The following NRDC variants were observed in gnomAD, a reference collection of about 807,000 sequenced individuals.
NRDC encodes nardilysin convertase.
Under a neutral mutation model 147.1 loss-of-function variants are expected in NRDC, and 54 were observed. The ratio of observed to expected loss-of-function variants is 0.37; its 90% CI spans 0.29 to 0.46. NRDC has a LOEUF of 0.46. Ranked by LOEUF, NRDC falls within the 20% of genes least tolerant of loss-of-function variation. The probability of loss-of-function intolerance (pLI) is 1.00; values close to 1 mark genes in which losing one functional copy is unlikely to be tolerated. For synonymous variants in NRDC, 440 were observed against 482.1 expected (o/e 0.91, Z 1.14); for missense variants, 1,082 against 1,370.6 (o/e 0.79, Z 3.33).
At chr1:51,855,347 T>C (rs921317153) in intron 1 of NRDC, among the ~76,000 whole-genome samples, 1 of 152,172 alleles carries the variant, frequency 6.6e-6, no homozygotes, top group Non-Finnish European at 1.5e-5. Context: ...TATGTCCTTA[T>C]TGTGCCAGGC....
chr1:51,852,089 T>G (rs1681978980), intron 1 of NRDC, among the ~76,000 whole-genome samples: 1 of 152,142 alleles, frequency 6.6e-6, no homozygotes, highest in Non-Finnish European at 1.5e-5. Context: ...AAACTGAGGC[T>G]CTAGAGAATA....
At chr1:51,877,511 GCACACACA>G (rs369942145) in intron 1 of NRDC, among the ~76,000 whole-genome samples, 2 of 151,284 alleles carry the variant, frequency 1.3e-5, no homozygotes, top group African/African-American at 4.9e-5. Context: ...AAACACACAC[GCACACACA>G]CACACGCAAG....
At chr1:51,873,730 T>G (rs1683194640) in intron 1 of NRDC, among the ~76,000 whole-genome samples, 1 of 151,388 alleles carries the variant, frequency 6.6e-6, no homozygotes, top group Non-Finnish European at 1.5e-5. Context: ...AGGCTGGTCT[T>G]GAACTCCTGA....
intron 1 of NRDC, among the ~76,000 whole-genome samples, chr1:51,856,427 G>C (rs1682244887): frequency 6.6e-6 from 1 of 152,134 alleles, no homozygotes; most frequent in African/African-American, 2.4e-5. Context: ...CAGACCTCTG[G>C]AACTTCTGAC....
chr1:51,866,489 A>C (rs1682815559), intron 1 of NRDC, among the ~76,000 whole-genome samples: 1 of 152,226 alleles, frequency 6.6e-6, no homozygotes, highest in Non-Finnish European at 1.5e-5. Flanking sequence ...GAAATGCTAG[A>C]AACAACTTAA....
At position 51,798,232 on chromosome 1, in the gene NRDC, G is replaced by A; in HGVS notation, c.2604+17C>T. On this transcript the variant is annotated intron_variant, in intron 22 of 30. Transcript: ENST00000352171. ...CAACTGCATTCAGACCTGGCCTACAGAGCATCTCACACTCACTGTGCTTGT... is the reference window on the plus strand; with the variant it reads ...CAACTGCATTCAGACCTGGCCTACAAAGCATCTCACACTCACTGTGCTTGT... 1 of 1,613,300 alleles carries A rather than the reference G, an allele frequency of 6.2e-7. No individual in the cohort carries two copies.
intron 16 of NRDC, 50 bp downstream of exon 16, chr1:51,810,231 C>T (rs560835343): frequency 3.7e-6 from 5 of 1,358,232 alleles, no homozygotes; most frequent in South Asian, 1.5e-5. Flanking sequence ...TAAACATTTC[C>T]AGGTAAGTTA....
At chr1:51,805,421 G>A (rs530336706) in intron 19 of NRDC, 89 bp downstream of exon 19, 3 of 1,026,542 alleles carry the variant, frequency 2.9e-6, no homozygotes, top group South Asian at 1.5e-5. Flanking sequence ...AATATGGATA[G>A]AGAAAATGAC....
chr1:51,799,758 G>T (rs981070028), intron 21 of NRDC, among the ~76,000 whole-genome samples: 2 of 152,210 alleles, frequency 1.3e-5, no homozygotes, highest in Non-Finnish European at 2.9e-5. Flanking sequence ...AAAGTAGTAA[G>T]AACAGGCTCT....
intron 1 of NRDC, among the ~76,000 whole-genome samples, chr1:51,872,427 C>T (rs1277094723): frequency 6.6e-6 from 1 of 152,174 alleles, no homozygotes; most frequent in African/African-American, 2.4e-5. Flanking sequence ...ATCAGTCAGG[C>T]CCGGTGCAGT....
chr1:51,826,676 G>GCCT, intron 5 of NRDC, among the ~76,000 whole-genome samples: 1 of 152,296 alleles, frequency 6.6e-6, no homozygotes, highest in Middle Eastern at 3.4e-3. Context: ...CACTCTGGGA[G>GCCT]GCCGAAGCAG....
intron 1 of NRDC, among the ~76,000 whole-genome samples, chr1:51,864,662 T>C (rs188615836): frequency 2.6e-5 from 4 of 152,160 alleles, no homozygotes; most frequent in South Asian, 4.1e-4. Context: ...GTAATAAAAT[T>C]AGATTTTTGC....
At chr1:51,861,804 T>G (rs1162630070) in intron 1 of NRDC, among the ~76,000 whole-genome samples, 2 of 152,230 alleles carry the variant, frequency 1.3e-5, no homozygotes, top group Admixed American at 6.5e-5. Context: ...AACCAAACAT[T>G]GGTCATAAAC....
chr1:51,875,299 G>A (rs1017195024), intron 1 of NRDC, among the ~76,000 whole-genome samples: 1 of 152,174 alleles, frequency 6.6e-6, no homozygotes, highest in Non-Finnish European at 1.5e-5. Flanking sequence ...TCTTCTGAAA[G>A]GGGAGGGTTA....
At chr1:51,871,101 G>T (rs569402802) in intron 1 of NRDC, among the ~76,000 whole-genome samples, 1 of 152,232 alleles carries the variant, frequency 6.6e-6, no homozygotes, top group African/African-American at 2.4e-5. Context: ...TGGATCACCT[G>T]AGGTCAGGAG....
At chr1:51,876,487 T>G (rs1486140587) in intron 1 of NRDC, among the ~76,000 whole-genome samples, 1 of 152,210 alleles carries the variant, frequency 6.6e-6, no homozygotes, top group Non-Finnish European at 1.5e-5. Context: ...AAACAAAGTT[T>G]GTGTACATGA....
intron 17 of NRDC, among the ~76,000 whole-genome samples, chr1:51,809,051 T>C (rs1336863502): frequency 6.6e-6 from 1 of 152,232 alleles, no homozygotes; most frequent in South Asian, 2.1e-4. Context: ...CTATACAAGA[T>C]AAAGCATAAA....
rs139651343 is a variant in NRDC at position 51,791,628 on chromosome 1, G to A, written c.2910C>T (p.Ser970=). ...YHVYPTCRNT[S]GILGFSVTVG... is the part of the protein sequence containing the mutation. The stretch of plus-strand genomic sequence containing the variant: ...CAGTGACAGAAAATCCTAGAATCCC[G>A]GATGTGTTCCTACAGGTAGGGTAGA... Residue 970 remains serine, a synonymous_variant, in exon 27 of 31, where the codon TCC becomes TCT. Coordinates refer to ENST00000352171, the MANE Select transcript of NRDC (RefSeq NM_001101662.2). 222 of 1,613,842 alleles carry A rather than the reference G, an allele frequency of 1.4e-4. No individual in the cohort carries two copies. Among genetic ancestry groups the A allele is most frequent in the Admixed American group, 1.7e-4 (10 of 60,008 alleles).
At chr1:51,791,071 C>T (rs2149183230) in intron 27 of NRDC, 81 bp from the exon 28 acceptor site, 2 of 987,766 alleles carry the variant, frequency 2.0e-6, no homozygotes, top group African/African-American at 1.6e-5. Flanking sequence ...AGGCAGAAGG[C>T]AAAAGAAGGA....
Sources: allele counts gnomAD v4.1 joint callset (sites outside exome capture counted in the v4.1 genomes callset), GRCh38; gene constraint gnomAD v4.1.1; transcripts MANE v1.5; gene names NCBI Gene and HGNC (gene_info 2026-07-23, HGNC 2026-07-21).